The following CACNA2D4 variants were observed in gnomAD, a reference collection of about 807,000 sequenced individuals.
The protein encoded by CACNA2D4 is voltage-dependent calcium channel subunit alpha-2/delta-4.
A neutral mutation model predicts 163.8 loss-of-function variants in CACNA2D4; 157 were observed. The observed-to-expected ratio is 0.96, with a 90% CI of 0.84 to 1.09. The LOEUF (loss-of-function observed/expected upper bound fraction) is 1.09, where lower values mean the gene tolerates loss of function less well. Ranked by LOEUF, CACNA2D4 falls within the 50% of genes least tolerant of loss-of-function variation. CACNA2D4 has a pLI of 0.00. For missense variants in CACNA2D4, 1,410 were observed against 1,479.9 expected, an observed-to-expected ratio of 0.95 and a Z score of 0.78; for synonymous variants, 598 against 586.9, an observed-to-expected ratio of 1.02 and a Z score of -0.27.
chr12:1,849,279 AATCTT>A (rs1428526046), intron 23 of CACNA2D4, among the ~76,000 whole-genome samples: 1 of 152,168 alleles, frequency 6.6e-6, no homozygotes, highest in African/African-American at 2.4e-5. Context: ...CATTCCATCT[AATCTT>A]AACTTCTCTG....
In CACNA2D4 at chr12:1,800,368, G is replaced by A. The variant is rs781205135; in HGVS notation, c.2921+18C>T. ...TCGCATGCAGCCCTCCACCAGCCCC[G>A]TGTCTACCCCCACTCACAGCACCAG... On this transcript the variant is annotated intron_variant, in intron 32 of 37. Transcript: ENST00000382722. 3.7e-6 allele frequency: 6 copies of A among 1,613,356 alleles called. No individual in the cohort carries two copies. The highest frequency in any genetic ancestry group is 3.3e-5 in the Admixed American group (2 of 60,008).
chr12:1,854,003 C>T lies in CACNA2D4; in HGVS notation c.2194G>A (p.Val732Met), dbSNP rs766298238. ...LVREVLFDAV[V>M]TAPMEAYWTA... The stretch of plus-strand genomic sequence containing the variant: ...CAGTAGGCTTCCATGGGGGCTGTCA[C>T]CACCGCGTCAAACAGCACCTCCCGG... The change falls in exon 23 of 38, where the codon GTG (valine) becomes ATG (methionine). Residue 732 changes from valine (V) to methionine (M), a missense_variant. By Grantham distance (21) the Val-to-Met change is conservative. Transcript: ENST00000382722. The T allele has an allele frequency of 2.5e-6, 4 of 1,612,796 alleles. No individual in the cohort carries two copies. Among genetic ancestry groups the T allele is most frequent in the African/African-American group, 2.7e-5 (2 of 74,884 alleles).
At chr12:1,863,517 G>A (rs868405869) in intron 18 of CACNA2D4, among the ~76,000 whole-genome samples, 1 of 152,172 alleles carries the variant, frequency 6.6e-6, no homozygotes, top group African/African-American at 2.4e-5. Flanking sequence ...TGGGGAGAAT[G>A]AATGTGTTAA....
Position 1,917,330 on chromosome 12 carries a change from C to T in CACNA2D4, c.227+917G>A, listed in dbSNP as rs896097905. ...GAGAGCTATGCGGCTCGATGGGAAA[C>T]GATGCTGCCTAATCCACTGGTCAGC... On this transcript the variant is annotated intron_variant, in intron 1 of 37. Transcript: ENST00000382722. This position sits in a 1 kb window ranked among gnomAD's most constrained non-coding sequence, Gnocchi z 4.3. 3.9e-5 allele frequency among the ~76,000 whole-genome samples: 6 copies of T among 152,212 alleles called. No individual in the cohort carries two copies. Among genetic ancestry groups the T allele is most frequent in the Admixed American group, 1.3e-4 (2 of 15,282 alleles).
intron 26 of CACNA2D4, among the ~76,000 whole-genome samples, chr12:1,823,510 G>C (rs888073447): frequency 6.6e-6 from 1 of 152,104 alleles, no homozygotes. Context: ...AGCCCACTCA[G>C]CTCCGCATGT....
At chr12:1,857,099 T>G (rs535691248) in intron 20 of CACNA2D4, among the ~76,000 whole-genome samples, 1 of 151,788 alleles carries the variant, frequency 6.6e-6, no homozygotes, top group Non-Finnish European at 1.5e-5. Context: ...GAGGAAGAAA[T>G]GTGTAGGAAG....
intron 4 of CACNA2D4, 37 bp downstream of exon 4, chr12:1,909,869 C>T (rs767349893): frequency 1.1e-4 from 169 of 1,600,080 alleles, no homozygotes; most frequent in Non-Finnish European, 1.4e-4. Context: ...TCAGGCGATC[C>T]TGGCCCTCTG....
Position 1,798,394 on chromosome 12 carries a change from G to GGA in CACNA2D4, c.2996-861_2996-860dup, listed in dbSNP as rs1018644653. ...TCCCAGGCTCATGCAGAGTCCTACA[G>GGA]GAGAGCATGGGTCTCCCCAGCTTCC... On this transcript the variant is annotated intron_variant, in intron 34 of 37. Transcript: ENST00000382722. This position sits in a 1 kb window ranked among gnomAD's most constrained non-coding sequence, Gnocchi z 4.3. 1.5e-4 allele frequency among the ~76,000 whole-genome samples: 23 copies of GGA among 152,138 alleles called. No individual in the cohort carries two copies. The highest frequency in any genetic ancestry group is 5.1e-4 in the African/African-American group (21 of 41,414).
Position 1,883,478 on chromosome 12 carries a change from G to C in CACNA2D4, c.1352-478C>G, listed in dbSNP as rs1422127120. On this transcript the variant is annotated intron_variant, in intron 12 of 37. Coordinates refer to ENST00000382722, the MANE Select transcript of CACNA2D4 (RefSeq NM_172364.5). This position sits in a 1 kb window ranked among gnomAD's most constrained non-coding sequence, Gnocchi z 4.5. ...CTCAGGTTGTGGGGTGGGTGTTACA[G>C]CCTATTCCCTGGAACCATGGTGACA... is the stretch of plus-strand genomic sequence containing the variant. Among the ~76,000 whole-genome samples, 1 of 152,164 alleles carries C rather than the reference G, an allele frequency of 6.6e-6. No individual in the cohort carries two copies. The highest frequency in any genetic ancestry group is 1.5e-5 in the Non-Finnish European group (1 of 68,026).
At position 1,802,700 on chromosome 12, in the gene CACNA2D4, G is replaced by C. The variant is rs1261873718; in HGVS notation, c.2722-1056C>G. Among the ~76,000 whole-genome samples, 1 of 152,236 alleles carries C rather than the reference G, an allele frequency of 6.6e-6. No homozygotes were observed. Among genetic ancestry groups the C allele is most frequent in the African/African-American group, 2.4e-5 (1 of 41,454 alleles). ...CTTGAAAAATGGCAGCCATCGTTAG[G>C]AGGAGAGGTCCGGGGTCCGGCTTGG... On this transcript the variant is annotated intron_variant, in intron 29 of 37. Transcript: ENST00000382722. This position sits in a 1 kb window ranked among gnomAD's most constrained non-coding sequence, Gnocchi z 4.7.
At chr12:1,868,956 G>A (rs1010542277) in intron 18 of CACNA2D4, among the ~76,000 whole-genome samples, 3 of 152,042 alleles carry the variant, frequency 2.0e-5, no homozygotes, top group African/African-American at 7.3e-5. Flanking sequence ...GGAAGACTGT[G>A]TAGATTACAC....
intron 23 of CACNA2D4, among the ~76,000 whole-genome samples, chr12:1,851,696 C>CT (rs1865287830): frequency 6.1e-5 from 1 of 16,416 alleles, no homozygotes; most frequent in Non-Finnish European, 1.4e-4. Flanking sequence ...TTTTTTTTTT[C>CT]CAGAGATTTC....
chr12:1,863,738 C>T (rs1321183780), intron 18 of CACNA2D4, among the ~76,000 whole-genome samples: 2 of 152,214 alleles, frequency 1.3e-5, no homozygotes, highest in East Asian at 1.9e-4. Context: ...AGACACTTTT[C>T]GTTAGCATTG....
chr12:1,904,037 C>T (rs1434824314), intron 6 of CACNA2D4, among the ~76,000 whole-genome samples: 2 of 151,998 alleles, frequency 1.3e-5, no homozygotes, highest in African/African-American at 4.8e-5. Flanking sequence ...GAGTACTATT[C>T]AGCCATAAAG....
In CACNA2D4 at chr12:1,843,928, G is replaced by A. The variant is rs1357982933; in HGVS notation, c.2470+474C>T. 6.6e-6 allele frequency among the ~76,000 whole-genome samples: 1 copy of A among 152,148 alleles called. No homozygotes were observed. The highest frequency in any genetic ancestry group is 1.5e-5 in the Non-Finnish European group (1 of 68,018). ...GGGAGCTCCCTGAGGCTGGTCCTGGGTGGTCCTGGGTAACTGGGGACGGGT... is the reference window on the plus strand; with the variant it reads ...GGGAGCTCCCTGAGGCTGGTCCTGGATGGTCCTGGGTAACTGGGGACGGGT... On this transcript the variant is annotated intron_variant, in intron 25 of 37. Transcript: ENST00000382722. This position sits in a 1 kb window ranked among gnomAD's most constrained non-coding sequence, Gnocchi z 4.6.
At position 1,828,264 on chromosome 12, in the gene CACNA2D4, C is replaced by T; in HGVS notation, c.2551+12475G>A. ...GGGGGGTGCGGGTTGGGTGGGGGTG[C>T]CGAGGTGACTGTAGGTAGCGCCATA... is the stretch of plus-strand genomic sequence containing the variant. On this transcript the variant is annotated intron_variant, in intron 26 of 37. Coordinates refer to ENST00000382722, the MANE Select transcript of CACNA2D4 (RefSeq NM_172364.5). This position sits in a 1 kb window ranked among gnomAD's most constrained non-coding sequence, Gnocchi z 4.2. The T allele has an allele frequency of 1.4e-6, 2 of 1,475,912 alleles. No homozygotes were observed. Among genetic ancestry groups the T allele is most frequent in the Non-Finnish European group, 1.8e-6 (2 of 1,095,534 alleles). The allele number at this position is 1,475,912 out of a possible 1,614,324, so 91.4% of individuals were successfully genotyped here.
chr12:1,813,167 G>A (rs897068198), intron 26 of CACNA2D4, among the ~76,000 whole-genome samples: 1 of 152,120 alleles, frequency 6.6e-6, no homozygotes, highest in Non-Finnish European at 1.5e-5. Context: ...GATTGTTGAG[G>A]CTCAAGCGAG....
chr12:1,794,386 C>T (rs1018633644), intron 37 of CACNA2D4, among the ~76,000 whole-genome samples: 50 of 152,206 alleles, frequency 3.3e-4, no homozygotes, highest in Admixed American at 1.3e-4. Flanking sequence ...ACTCTCTGGA[C>T]ACCAACTGGG....
At chr12:1,901,985 G>A (rs1397955960) in intron 6 of CACNA2D4, among the ~76,000 whole-genome samples, 1 of 151,864 alleles carries the variant, frequency 6.6e-6, no homozygotes, top group African/African-American at 2.4e-5. Flanking sequence ...CTAGCAAACT[G>A]AATACAGCAA....
Sources: gnomAD v4.1 joint callset for allele counts (sites outside exome capture counted in the v4.1 genomes callset) on GRCh38, gnomAD v4.1.1 for gene constraint, Gnocchi (gnomAD v3.1) non-coding constraint, MANE v1.5 for transcripts, NCBI Gene and HGNC (gene_info 2026-07-23, HGNC 2026-07-21) for gene names.